The following POMP variants were observed in gnomAD, a reference collection of about 807,000 sequenced individuals.
The protein encoded by POMP is proteasome maturation protein.
In POMP, 12 loss-of-function variants were observed where a neutral mutation model predicts 20.6. The ratio of observed to expected loss-of-function variants is 0.58; its 90% CI spans 0.37 to 0.94. The LOEUF (loss-of-function observed/expected upper bound fraction) is 0.94, where lower values mean the gene tolerates loss of function less well. Ranked by LOEUF, POMP falls within the 40% of genes least tolerant of loss-of-function variation. The pLI is 0.01. For synonymous variants in POMP, 53 were observed against 55.0 expected, an observed-to-expected ratio of 0.96 and a Z score of 0.16; for missense variants, 136 against 161.1, an observed-to-expected ratio of 0.84 and a Z score of 0.84.
At chr13:28,675,312 G>T (rs1018505774) in intron 5 of POMP, among the ~76,000 whole-genome samples, 1 of 151,974 alleles carries the variant, frequency 6.6e-6, no homozygotes, top group Admixed American at 6.6e-5. Context: ...GCCTAATTTT[G>T]TATTTTAGTA....
At chr13:28,674,218 C>T (rs570496618) in intron 5 of POMP, among the ~76,000 whole-genome samples, 1 of 152,338 alleles carries the variant, frequency 6.6e-6, no homozygotes, top group Non-Finnish European at 1.5e-5. Flanking sequence ...TCCTAAAGGA[C>T]AGTTTCTTAT....
chr13:28,662,188 C>A (rs1249803773), intron 1 of POMP, among the ~76,000 whole-genome samples: 2 of 152,152 alleles, frequency 1.3e-5, no homozygotes, highest in Non-Finnish European at 2.9e-5. Flanking sequence ...ATTCAGAGAT[C>A]ACCTCAGGAA....
chr13:28,677,970 C>T, intron 5 of POMP, 65 bp from the exon 6 acceptor site: 1 of 1,465,042 alleles, frequency 6.8e-7, no homozygotes, highest in Non-Finnish European at 9.5e-7. Context: ...CTTATGTAAG[C>T]AGAATCATTG....
intron 4 of POMP, among the ~76,000 whole-genome samples, chr13:28,669,991 T>G (rs1486353193): frequency 6.6e-6 from 1 of 151,986 alleles, no homozygotes; most frequent in African/African-American, 2.4e-5. Flanking sequence ...ACACCTATAG[T>G]CCCAGCTACT....
chr13:28,659,881 C>CT (rs1158468097), intron 1 of POMP: 1 of 152,268 alleles, frequency 6.6e-6, no homozygotes, highest in Non-Finnish European at 1.5e-5. Flanking sequence ...ATCGGTACTG[C>CT]TGGTAGGCCA....
intron 4 of POMP, among the ~76,000 whole-genome samples, chr13:28,669,374 T>C (rs190646505): frequency 2.0e-3 from 309 of 152,250 alleles, no homozygotes; most frequent in Non-Finnish European, 3.7e-3. Context: ...TTTATGTTTT[T>C]ACTTTGTATT....
chr13:28,660,976 G>A (rs1884329533), intron 1 of POMP, among the ~76,000 whole-genome samples: 1 of 152,122 alleles, frequency 6.6e-6, no homozygotes, highest in African/African-American at 2.4e-5. Flanking sequence ...GTATAGTGAA[G>A]AAACCCTGCA....
intron 4 of POMP, among the ~76,000 whole-genome samples, chr13:28,670,831 G>GA (rs1443144258): frequency 6.6e-6 from 1 of 152,174 alleles, no homozygotes; most frequent in African/African-American, 2.4e-5. Context: ...TGGATCACCT[G>GA]AGGTCAGGAG....
chr13:28,677,579 T>G (rs1884650303), intron 5 of POMP, among the ~76,000 whole-genome samples: 2 of 152,236 alleles, frequency 1.3e-5, no homozygotes, highest in Admixed American at 1.3e-4. Context: ...TTAAGAATTC[T>G]TACGTTTGTG....
At chr13:28,662,367 A>T in intron 1 of POMP, 43 bp from the exon 2 acceptor site, 1 of 1,482,492 alleles carries the variant, frequency 6.7e-7, no homozygotes, top group Non-Finnish European at 9.4e-7. Context: ...GTGTGTGTTT[A>T]AATTTTTTTT....
At chr13:28,674,808 G>T (rs1418709773) in intron 5 of POMP, among the ~76,000 whole-genome samples, 2 of 152,174 alleles carry the variant, frequency 1.3e-5, no homozygotes, top group African/African-American at 2.4e-5. Context: ...GGAGGCAGAG[G>T]TGGGAGGATC....
intron 3 of POMP, among the ~76,000 whole-genome samples, 162 bp downstream of exon 3, chr13:28,664,731 C>A (rs138392502): frequency 6.6e-6 from 1 of 152,148 alleles, no homozygotes; most frequent in African/African-American, 2.4e-5. Context: ...AAAAATTACA[C>A]TGCTCCTCTA....
At chr13:28,665,492 TTATAAG>T (rs1227544467) in intron 3 of POMP, among the ~76,000 whole-genome samples, 9 of 152,206 alleles carry the variant, frequency 5.9e-5, no homozygotes. Context: ...CAGAGTACAC[TTATAAG>T]TATGTGAGTA....
chr13:28,666,511 TCTA>T (rs1884449702), intron 3 of POMP, among the ~76,000 whole-genome samples: 1 of 151,222 alleles, frequency 6.6e-6, no homozygotes. Context: ...CTTACATACA[TCTA>T]CTGCATCTCT....
At chr13:28,675,374 G>A (rs1280069271) in intron 5 of POMP, among the ~76,000 whole-genome samples, 4 of 152,006 alleles carry the variant, frequency 2.6e-5, no homozygotes, top group South Asian at 4.2e-4. Context: ...CCTGACCTCC[G>A]GTAGTCTGCC....
At chr13:28,669,110 CA>C (rs939246088) in intron 4 of POMP, among the ~76,000 whole-genome samples, 64 of 150,852 alleles carry the variant, frequency 4.2e-4, no homozygotes, top group Non-Finnish European at 2.8e-4. Flanking sequence ...TCTTTTAAAA[CA>C]AAAAAAAATT....
chr13:28,670,542 C>T (rs948895399), intron 4 of POMP, among the ~76,000 whole-genome samples: 1 of 152,050 alleles, frequency 6.6e-6, no homozygotes. Flanking sequence ...TATGTCATTC[C>T]CCTCACTTTA....
chr13:28,674,256 A>G (rs1170634455), intron 5 of POMP, among the ~76,000 whole-genome samples: 2 of 152,346 alleles, frequency 1.3e-5, no homozygotes, highest in East Asian at 1.9e-4. Flanking sequence ...CCAGAGTATC[A>G]GCATTTCTTT....
At chr13:28,674,071 CAGAAG>C (rs1323907415) in intron 5 of POMP, among the ~76,000 whole-genome samples, 1 of 152,150 alleles carries the variant, frequency 6.6e-6, no homozygotes, top group Non-Finnish European at 1.5e-5. Context: ...GTATTTCAGA[CAGAAG>C]AGATGAGTAT....
Sources: gnomAD v4.1 joint callset for allele counts (sites outside exome capture counted in the v4.1 genomes callset) on GRCh38, gnomAD v4.1.1 for gene constraint, MANE v1.5 for transcripts, NCBI Gene and HGNC (gene_info 2026-07-23, HGNC 2026-07-21) for gene names.